METAP1D: variants seen among roughly 807,000 people sequenced by gnomAD.
The protein encoded by METAP1D is methionine aminopeptidase 1D, mitochondrial.
A neutral mutation model predicts 40.5 loss-of-function variants in METAP1D; 31 were observed. That is an observed-to-expected ratio of 0.77 (90% confidence interval 0.58 to 1.03). The LOEUF (loss-of-function observed/expected upper bound fraction) is 1.03. Ranked by LOEUF, METAP1D falls within the 50% of genes least tolerant of loss-of-function variation. METAP1D has a pLI of 0.00. For synonymous variants in METAP1D, 151 were observed against 146.4 expected (o/e 1.03, Z -0.22); for missense variants, 411 against 420.7 (o/e 0.98, Z 0.20).
chr2:172,039,979 C>CT (rs1010752067), intron 1 of METAP1D, among the ~76,000 whole-genome samples: 2 of 143,708 alleles, frequency 1.4e-5, no homozygotes, highest in African/African-American at 5.2e-5. Context: ...CCAGCCAAAA[C>CT]TTTTTTTTGT....
chr2:172,080,770 A>G lies in METAP1D; in HGVS notation c.*364A>G, dbSNP rs1690687805. Reference sequence around the variant, plus strand: ...GTAAAAAACCTCTTAAATCCATTGTATCAGAGGTCCTTACCTCTCTGACAG... The same window carrying G: ...GTAAAAAACCTCTTAAATCCATTGTGTCAGAGGTCCTTACCTCTCTGACAG... On this transcript the variant is annotated 3_prime_UTR_variant, in exon 10 of 10. Transcript: ENST00000315796. 2.7e-6 allele frequency: 1 copy of G among 372,624 alleles called. No individual in the cohort carries two copies. The highest frequency in any genetic ancestry group is 6.1e-5 in the East Asian group (1 of 16,396). 23.1% of individuals were successfully genotyped at this position (372,624 alleles called of 1,614,324 possible). A position where few individuals can be genotyped will look rare whatever the true frequency, so the allele number is the denominator to read the frequency against.
intron 1 of METAP1D, among the ~76,000 whole-genome samples, chr2:172,008,626 C>T (rs1688642490): frequency 6.6e-6 from 1 of 152,090 alleles, no homozygotes; most frequent in African/African-American, 2.4e-5. Context: ...ATGAAATTAA[C>T]AACAATCACT....
At chr2:172,030,415 G>T (rs1465302875) in intron 1 of METAP1D, among the ~76,000 whole-genome samples, 1 of 152,116 alleles carries the variant, frequency 6.6e-6, no homozygotes, top group East Asian at 1.9e-4. Flanking sequence ...TTAAAAAAAT[G>T]TATTGCAGAG....
intron 1 of METAP1D, among the ~76,000 whole-genome samples, chr2:172,014,796 G>A (rs1688817042): frequency 6.6e-6 from 1 of 152,060 alleles, no homozygotes; most frequent in African/African-American, 2.4e-5. Context: ...GGGACTACAG[G>A]CGCCCGCCAG....
chr2:172,055,225 G>A (rs1057290463), intron 1 of METAP1D, among the ~76,000 whole-genome samples: 9 of 152,176 alleles, frequency 5.9e-5, no homozygotes, highest in Non-Finnish European at 8.8e-5. Context: ...GGGAGACGGA[G>A]GGACTATTTC....
intron 1 of METAP1D, among the ~76,000 whole-genome samples, chr2:172,052,250 A>C (rs1422188246): frequency 6.6e-6 from 1 of 152,208 alleles, no homozygotes; most frequent in East Asian, 1.9e-4. Flanking sequence ...GGCCAAAAAA[A>C]TGTTTTTTAA....
chr2:172,068,247 G>A (rs1690334901), intron 5 of METAP1D, among the ~76,000 whole-genome samples: 1 of 151,926 alleles, frequency 6.6e-6, no homozygotes, highest in South Asian at 2.1e-4. Flanking sequence ...ATAAAAATTA[G>A]CCCTGTGTGG....
At chr2:172,060,285 A>G (rs569419806) in intron 1 of METAP1D, among the ~76,000 whole-genome samples, 1 of 151,870 alleles carries the variant, frequency 6.6e-6, no homozygotes, top group East Asian at 1.9e-4. Context: ...GCATGGTAGC[A>G]TGTGCCTGTG....
chr2:172,066,958 A>C (rs1690299556), intron 5 of METAP1D, among the ~76,000 whole-genome samples: 1 of 152,246 alleles, frequency 6.6e-6, no homozygotes, highest in South Asian at 2.1e-4. Context: ...CAAATGGTTA[A>C]TAGCCTTTCT....
intron 1 of METAP1D, among the ~76,000 whole-genome samples, chr2:172,040,008 A>T (rs1689479203): frequency 7.0e-6 from 1 of 143,370 alleles, no homozygotes; most frequent in Admixed American, 7.0e-5. Flanking sequence ...GTTTTGAGAC[A>T]GAGTCTCGCC....
chr2:172,004,029 C>G (rs1688525736), intron 1 of METAP1D, among the ~76,000 whole-genome samples: 1 of 152,046 alleles, frequency 6.6e-6, no homozygotes, highest in African/African-American at 2.4e-5. Context: ...CTCAGCCTCC[C>G]ACAGTGCTGG....
rs143176972 is a variant in METAP1D, at chr2:172,078,136, C to T, written c.802+242C>T. 3.8e-3 allele frequency among the ~76,000 whole-genome samples: 585 copies of T among 152,244 alleles called. 4 individuals are homozygous for T. The highest frequency in any genetic ancestry group is 0.014 in the African/African-American group (563 of 41,542). ...GGTTTATTTTGCTCTCTGTCTTCTC[C>T]TGAAGGGTGCATGGCTGGAAGGCAC... On this transcript the variant is annotated intron_variant, in intron 7 of 9. Transcript: ENST00000315796.
intron 2 of METAP1D, chr2:172,061,948 G>A (rs6737876): frequency 0.18 from 34,906 of 192,670 alleles, 3,602 homozygotes; most frequent in South Asian, 0.23. Flanking sequence ...CTATACGTAT[G>A]TAGTTTTCTA....
intron 2 of METAP1D, 31 bp downstream of exon 2, chr2:172,061,686 T>C (rs777252338): frequency 1.9e-6 from 3 of 1,538,992 alleles, no homozygotes; most frequent in East Asian, 2.3e-5. Context: ...TCCTGCTTTT[T>C]CCAGCCAAGA....
At chr2:172,010,650 G>A (rs181010763) in intron 1 of METAP1D, among the ~76,000 whole-genome samples, 7 of 150,650 alleles carry the variant, frequency 4.6e-5, no homozygotes, top group East Asian at 2.0e-4. Flanking sequence ...GTGCCACCTC[G>A]CCTGGCTAGT....
At chr2:172,073,285 G>A (rs541859418) in intron 6 of METAP1D, among the ~76,000 whole-genome samples, 11 of 152,068 alleles carry the variant, frequency 7.2e-5, no homozygotes, top group Admixed American at 2.6e-4. Context: ...ACTCCAGCTA[G>A]TACTAGCAAA....
intron 1 of METAP1D, among the ~76,000 whole-genome samples, chr2:172,045,699 A>ATATGTGTGTG (rs1355888809): frequency 8.5e-5 from 7 of 82,218 alleles, no homozygotes; most frequent in African/African-American, 1.4e-4. Flanking sequence ...ATTCATATAT[A>ATATGTGTGTG]TGTGTGTGTG....
rs1387936497 is a variant in METAP1D at position 172,044,083 on chromosome 2, C to A, written c.41-17415C>A. On this transcript the variant is annotated intron_variant, in intron 1 of 9. Transcript: ENST00000315796. ...ACTTCGTCTGGGTGACAGAGCAAGACCCTGTCCCCCCAAAAAATTATAGTC... is the reference window on the plus strand; with the variant it reads ...ACTTCGTCTGGGTGACAGAGCAAGAACCTGTCCCCCCAAAAAATTATAGTC... Among the ~76,000 whole-genome samples the A allele has an allele frequency of 1.5e-5, 2 of 133,958 alleles. 1 individual carries two copies. Among genetic ancestry groups the A allele is most frequent in the Non-Finnish European group, 3.5e-5 (2 of 57,510 alleles). 87.9% of individuals were successfully genotyped at this position (133,958 alleles called of 152,430 possible). A position where few individuals can be genotyped will look rare whatever the true frequency, so the allele number is the denominator to read the frequency against.
In METAP1D at chr2:172,010,493, C is replaced by CTTTTTTT. The variant is rs759651661; in HGVS notation, c.40+10498_40+10504dup. On this transcript the variant is annotated intron_variant, in intron 1 of 9. Transcript: ENST00000315796. ...TTTTTTCCTTCTTTCCTTCTTTCCT[C>CTTTTTTT]TTTTTTTTTTTTTTTTTTTTAACAG... Among the ~76,000 whole-genome samples the CTTTTTTT allele has an allele frequency of 1.1e-4, 10 of 88,974 alleles. 1 individual carries two copies. Among genetic ancestry groups the CTTTTTTT allele is most frequent in the Non-Finnish European group, 1.2e-4 (6 of 48,936 alleles). The allele number at this position is 88,974 out of a possible 152,430, so 58.4% of individuals were successfully genotyped here. A position where few individuals can be genotyped will look rare whatever the true frequency, so the allele number is the denominator to read the frequency against.
Sources: gnomAD v4.1 joint callset for allele counts (sites outside exome capture counted in the v4.1 genomes callset) on GRCh38, gnomAD v4.1.1 for gene constraint, MANE v1.5 for transcripts, NCBI Gene and HGNC (gene_info 2026-07-23, HGNC 2026-07-21) for gene names.